The following SEMA3E variants were observed in gnomAD, a reference collection of about 807,000 sequenced individuals.
SEMA3E encodes semaphorin 3E.
SEMA3E carries 49 observed loss-of-function variants against 93.6 expected under a neutral mutation model. That is an observed-to-expected ratio of 0.52 (90% CI 0.42 to 0.66). SEMA3E has a LOEUF of 0.66. Ranked by LOEUF, SEMA3E falls within the 30% of genes least tolerant of loss-of-function variation. The probability of loss-of-function intolerance (pLI) is 0.00; values close to 1 mark genes in which losing one functional copy is unlikely to be tolerated. For missense variants in SEMA3E, 906 were observed against 964.8 expected, an observed-to-expected ratio of 0.94 and a Z score of 0.81; for synonymous variants, 363 against 330.7, an observed-to-expected ratio of 1.10 and a Z score of -1.06.
At chr7:83,394,966 C>G (rs1288836462) in intron 12 of SEMA3E, among the ~76,000 whole-genome samples, 1 of 152,164 alleles carries the variant, frequency 6.6e-6, no homozygotes, top group Non-Finnish European at 1.5e-5. Context: ...AAACTCAGAT[C>G]AGCTGTGCAA....
At chr7:83,496,217 T>A (rs1790489205) in intron 1 of SEMA3E, among the ~76,000 whole-genome samples, 1 of 152,110 alleles carries the variant, frequency 6.6e-6, no homozygotes, top group African/African-American at 2.4e-5. Flanking sequence ...AGAAGTTGAC[T>A]GGAGAGCTTT....
intron 1 of SEMA3E, among the ~76,000 whole-genome samples, chr7:83,563,713 T>A (rs934486554): frequency 2.6e-5 from 4 of 152,198 alleles, no homozygotes; most frequent in Non-Finnish European, 4.4e-5. Context: ...AGTTATTTTT[T>A]AAATTTTTCA....
chr7:83,418,541 T>C, intron 4 of SEMA3E, 58 bp from the exon 5 acceptor site: 1 of 1,167,436 alleles, frequency 8.6e-7, no homozygotes, highest in Non-Finnish European at 1.3e-6. Flanking sequence ...ATCATTTAAT[T>C]CCTTAGGTAA....
intron 4 of SEMA3E, among the ~76,000 whole-genome samples, chr7:83,435,499 G>A (rs1479913520): frequency 6.6e-6 from 1 of 152,074 alleles, no homozygotes; most frequent in African/African-American, 2.4e-5. Context: ...AGGAGGCCGA[G>A]GCAGGAGAAT....
At chr7:83,604,724 G>T (rs756042315) in intron 1 of SEMA3E, among the ~76,000 whole-genome samples, 1 of 151,648 alleles carries the variant, frequency 6.6e-6, no homozygotes, top group African/African-American at 2.4e-5. Context: ...CTATCAACCC[G>T]TCACCTAGGT....
intron 1 of SEMA3E, among the ~76,000 whole-genome samples, chr7:83,567,900 G>A (rs1008652981): frequency 6.6e-6 from 1 of 151,310 alleles, no homozygotes; most frequent in African/African-American, 2.4e-5. Context: ...AAATAATAAA[G>A]ATCAGAGCAG....
intron 1 of SEMA3E, among the ~76,000 whole-genome samples, chr7:83,590,262 T>A (rs1792730472): frequency 6.6e-6 from 1 of 152,164 alleles, no homozygotes; most frequent in South Asian, 2.1e-4. Flanking sequence ...TCTAGGCAAC[T>A]TTCTATATCA....
At position 83,586,616 on chromosome 7, in the gene SEMA3E, C is replaced by T. The variant is rs145854066; in HGVS notation, c.115+61812G>A. 6.2e-3 allele frequency among the ~76,000 whole-genome samples: 943 copies of T among 151,614 alleles called. 9 individuals are homozygous for T. Among genetic ancestry groups the T allele is most frequent in the African/African-American group, 0.022 (901 of 41,348 alleles). ...TTAAAGCAGCCAAAGGGATTTGGCACGCTATTTTAATCAGTAAGACTCTCT... is the reference window on the plus strand; with the variant it reads ...TTAAAGCAGCCAAAGGGATTTGGCATGCTATTTTAATCAGTAAGACTCTCT... On this transcript the variant is annotated intron_variant, in intron 1 of 16. Coordinates refer to ENST00000643230, the MANE Select transcript of SEMA3E (RefSeq NM_012431.3).
At chr7:83,474,961 G>GTA (rs1562798423) in intron 2 of SEMA3E, among the ~76,000 whole-genome samples, 1 of 151,172 alleles carries the variant, frequency 6.6e-6, no homozygotes, top group East Asian at 1.9e-4. Context: ...GCATGTGCAT[G>GTA]TATATATAGA....
Position 83,639,126 on chromosome 7 carries a change from AAAAAAAAAAAAAAAC to A in SEMA3E, c.115+9287_115+9301del, listed in dbSNP as rs1421731729. 9.2e-5 allele frequency among the ~76,000 whole-genome samples: 13 copies of A among 140,714 alleles called. 1 individual carries two copies. The highest frequency in any genetic ancestry group is 1.6e-4 in the African/African-American group (6 of 38,010). 92.3% of individuals were successfully genotyped at this position (140,714 alleles called of 152,430 possible). ...ACTCCGTCTCAAAAAAAAAAAAAAA[AAAAAAAAAAAAAAAC>A]AGAGATTCCTGAGCCTCAGAATTAT... On this transcript the variant is annotated intron_variant, in intron 1 of 16. Coordinates refer to ENST00000643230, the MANE Select transcript of SEMA3E (RefSeq NM_012431.3).
intron 15 of SEMA3E, among the ~76,000 whole-genome samples, chr7:83,386,412 A>G (rs574863021): frequency 6.0e-4 from 91 of 152,214 alleles, no homozygotes; most frequent in Non-Finnish European, 9.6e-4. Context: ...GTTAACAGAG[A>G]AGTTCTTTCT....
chr7:83,382,568 C>T (rs1787797744), intron 16 of SEMA3E, among the ~76,000 whole-genome samples: 2 of 151,794 alleles, frequency 1.3e-5, no homozygotes, highest in Non-Finnish European at 1.5e-5. Flanking sequence ...GTTATCAATT[C>T]TGTTTATGAG....
intron 4 of SEMA3E, among the ~76,000 whole-genome samples, chr7:83,457,998 ACTG>A (rs1789524522): frequency 1.3e-5 from 2 of 151,910 alleles, no homozygotes; most frequent in South Asian, 4.1e-4. Context: ...TAAATCTCAT[ACTG>A]CTTTTATTAT....
chr7:83,421,762 C>A (rs1788672373), intron 4 of SEMA3E, among the ~76,000 whole-genome samples: 1 of 135,176 alleles, frequency 7.4e-6, no homozygotes, highest in South Asian at 2.5e-4. Flanking sequence ...TTATTTAGCA[C>A]CCTTTTCTCT....
chr7:83,577,239 G>A lies in SEMA3E; in HGVS notation c.115+71189C>T, dbSNP rs143619007. Among the ~76,000 whole-genome samples the A allele has an allele frequency of 4.7e-3, 710 of 152,192 alleles. 6 individuals are homozygous for A. Among genetic ancestry groups the A allele is most frequent in the African/African-American group, 0.016 (679 of 41,524 alleles). ...AAACAGATAGATAGATAGACAGATC[G>A]ACCAATTGATCTATACTGCTCCTTT... On this transcript the variant is annotated intron_variant, in intron 1 of 16. Transcript: ENST00000643230.
At chr7:83,452,017 A>T (rs867972097) in intron 4 of SEMA3E, among the ~76,000 whole-genome samples, 31 of 152,328 alleles carry the variant, frequency 2.0e-4, no homozygotes, top group African/African-American at 7.0e-4. Flanking sequence ...CAGGATTAAC[A>T]GTTGAAAAAT....
chr7:83,396,525 GAATCCACAACATACCTGTTAGGGAAAA>G, intron 12 of SEMA3E, 86 bp downstream of exon 12: 1 of 667,278 alleles, frequency 1.5e-6, no homozygotes, highest in Non-Finnish European at 2.7e-6. Context: ...TATTAGCTCT[GAATCCACAACATACCTGTTAGGGAAAA>G]AAAAATGGAC....
chr7:83,383,133 G>A (rs919321872), intron 16 of SEMA3E, among the ~76,000 whole-genome samples: 2 of 151,818 alleles, frequency 1.3e-5, no homozygotes, highest in Admixed American at 6.6e-5. Context: ...GATGAGCATC[G>A]TCAGGGGTAC....
chr7:83,482,564 CA>C (rs11429680), intron 2 of SEMA3E, among the ~76,000 whole-genome samples: 75 of 80,218 alleles, frequency 9.3e-4, no homozygotes, highest in East Asian at 5.2e-3. Context: ...CACTCCGTCT[CA>C]AAAAAAAAAA....
Sources: gnomAD v4.1 joint callset for allele counts (sites outside exome capture counted in the v4.1 genomes callset) on GRCh38, gnomAD v4.1.1 for gene constraint, MANE v1.5 for transcripts, NCBI Gene and HGNC (gene_info 2026-07-23, HGNC 2026-07-21) for gene names.